Variants in CDC123 observed in about 807,000 individuals in gnomAD.
CDC123 encodes the protein translation initiation factor eIF2 assembly protein.
A neutral mutation model predicts 54.4 loss-of-function variants in CDC123; 37 were observed. The observed-to-expected ratio is 0.68, with a 90% CI of 0.52 to 0.89. The LOEUF (loss-of-function observed/expected upper bound fraction) is 0.89. CDC123 is among the 40% of genes least tolerant of loss of function. The probability of loss-of-function intolerance (pLI) is 0.00; values close to 1 mark genes in which losing one functional copy is unlikely to be tolerated. For synonymous variants in CDC123, 144 were observed against 136.8 expected, an observed-to-expected ratio of 1.05 and a Z score of -0.37; for missense variants, 361 against 412.1, an observed-to-expected ratio of 0.88 and a Z score of 1.07.
chr10:12,200,349 C>G (rs2131729574), intron 2 of CDC123, among the ~76,000 whole-genome samples: 1 of 151,448 alleles, frequency 6.6e-6, no homozygotes, highest in Non-Finnish European at 1.5e-5. Flanking sequence ...CTGTCTTGAA[C>G]TCCTGACCTC....
chr10:12,229,212 T>C (rs977130149), intron 6 of CDC123, among the ~76,000 whole-genome samples: 1 of 152,238 alleles, frequency 6.6e-6, no homozygotes, highest in Admixed American at 6.5e-5. Flanking sequence ...CATAGTGATA[T>C]AGATGCGTTT....
At chr10:12,232,055 C>A (rs965149403) in intron 7 of CDC123, among the ~76,000 whole-genome samples, 1 of 152,080 alleles carries the variant, frequency 6.6e-6, no homozygotes, top group Non-Finnish European at 1.5e-5. Flanking sequence ...CCATGTTGGC[C>A]AGGCTGGTCT....
chr10:12,236,409 C>T (rs574965040), intron 8 of CDC123, among the ~76,000 whole-genome samples: 4 of 151,824 alleles, frequency 2.6e-5, no homozygotes, highest in East Asian at 1.9e-4. Context: ...GACCAGCCTG[C>T]GCAATGTACT....
At chr10:12,207,414 G>C (rs10906098) in intron 2 of CDC123, among the ~76,000 whole-genome samples, 13,894 of 151,888 alleles carry the variant, frequency 0.091, 769 homozygotes, top group Non-Finnish European at 0.12. Flanking sequence ...CTTTCATCTG[G>C]TCCCTTTATT....
intron 11 of CDC123, among the ~76,000 whole-genome samples, chr10:12,248,954 T>C (rs1836197324): frequency 6.6e-6 from 1 of 151,500 alleles, no homozygotes. Context: ...CTACTAAAAA[T>C]ACAAAAATTA....
At position 12,230,990 on chromosome 10, in the gene CDC123, A is replaced by G. The variant is rs146020960; in HGVS notation, c.483A>G (p.Glu161=). 1,197 of 1,609,246 alleles carry G rather than the reference A, an allele frequency of 7.4e-4. 2 individuals are homozygous for G. The highest frequency in any genetic ancestry group is 1.4e-3 in the Admixed American group (85 of 59,314). The change falls in exon 7 of 13, where the codon GAA becomes GAG. Residue 161 remains glutamate, a synonymous_variant. Coordinates refer to ENST00000281141, the MANE Select transcript of CDC123 (RefSeq NM_006023.3). ...ATGATTCTCCAGATCCATGTATAGA[A>G]TATGAGGTAAGAAGCTTATTTTCTT... ...CTDDSPDPCI[E]YELVLRKWCE... is the part of the protein sequence containing the mutation.
intron 4 of CDC123, 122 bp downstream of exon 4, chr10:12,210,444 C>A (rs1835582339): frequency 8.4e-7 from 1 of 1,183,810 alleles, no homozygotes; most frequent in East Asian, 2.6e-5. Flanking sequence ...ATATTATTTT[C>A]CCTGTGGGCT....
chr10:12,237,269 G>A lies in CDC123; in HGVS notation c.688+3G>A. 1 of 1,533,710 alleles carries A rather than the reference G, an allele frequency of 6.5e-7. No individual in the cohort carries two copies. Among genetic ancestry groups the A allele is most frequent in the Non-Finnish European group, 8.7e-7 (1 of 1,147,728 alleles). Reference sequence around the variant, plus strand: ...GTACAAATTCTTAGATGAAGACTGTGAGTATTTTTTTATTGATCCAGTAAA... The same window carrying A: ...GTACAAATTCTTAGATGAAGACTGTAAGTATTTTTTTATTGATCCAGTAAA... On this transcript the variant is annotated splice_donor_region_variant and intron_variant, in intron 9 of 12. Coordinates refer to ENST00000281141, the MANE Select transcript of CDC123 (RefSeq NM_006023.3).
chr10:12,222,725 G>A (rs1435954881), intron 6 of CDC123, among the ~76,000 whole-genome samples: 1 of 152,126 alleles, frequency 6.6e-6, no homozygotes, highest in Non-Finnish European at 1.5e-5. Context: ...TTGACTGCAG[G>A]TCAGGGAATT....
At chr10:12,209,325 C>G (rs1835564886) in intron 2 of CDC123, among the ~76,000 whole-genome samples, 1 of 152,158 alleles carries the variant, frequency 6.6e-6, no homozygotes, top group African/African-American at 2.4e-5. Context: ...TAGCCTCAAA[C>G]TCTTGGGCTC....
Position 12,226,586 on chromosome 10 carries a change from G to A in CDC123, c.441-4362G>A, listed in dbSNP as rs553460733. Among the ~76,000 whole-genome samples, 6 of 150,658 alleles carry A rather than the reference G, an allele frequency of 4.0e-5. No homozygotes were observed. The East Asian group carries it at 5.9e-4, about 15-fold the overall frequency. ...CTCCTCAGTTCCCAGACAGCGTCGC[G>A]GCTGGGCAGAGGCGCTCCTCACATC... On this transcript the variant is annotated intron_variant, in intron 6 of 12. Coordinates refer to ENST00000281141, the MANE Select transcript of CDC123 (RefSeq NM_006023.3).
chr10:12,246,073 A>G (rs1836130934), intron 10 of CDC123, 76 bp from the exon 11 acceptor site: 5 of 1,506,500 alleles, frequency 3.3e-6, no homozygotes, highest in Non-Finnish European at 4.5e-6. Flanking sequence ...CTGTCTCAGA[A>G]TAAAAAAGTG....
At chr10:12,236,263 T>G (rs778128672) in intron 8 of CDC123, among the ~76,000 whole-genome samples, 5 of 152,166 alleles carry the variant, frequency 3.3e-5, no homozygotes, top group African/African-American at 7.2e-5. Flanking sequence ...TAACAAGACT[T>G]TTTGTGACTT....
At chr10:12,240,656 T>G (rs2131765100) in intron 10 of CDC123, among the ~76,000 whole-genome samples, 1 of 152,318 alleles carries the variant, frequency 6.6e-6, no homozygotes, top group Middle Eastern at 3.4e-3. Flanking sequence ...GGAGGATGGC[T>G]TGAGCCCAGG....
At chr10:12,197,780 T>C in intron 1 of CDC123, among the ~76,000 whole-genome samples, 1 of 152,150 alleles carries the variant, frequency 6.6e-6, no homozygotes, top group African/African-American at 2.4e-5. Context: ...GCAGTGGCAG[T>C]GATCTTTTAT....
At chr10:12,198,821 A>T (rs1835399141) in intron 2 of CDC123, 45 bp downstream of exon 2, 1 of 1,028,846 alleles carries the variant, frequency 9.7e-7, no homozygotes, top group Admixed American at 2.0e-5. Context: ...ATCATAAAGA[A>T]ACACATAAAA....
intron 7 of CDC123, among the ~76,000 whole-genome samples, chr10:12,232,237 C>T (rs770921884): frequency 6.6e-5 from 10 of 152,022 alleles, no homozygotes; most frequent in Admixed American, 2.0e-4. Context: ...GAAACTTTGA[C>T]GGCTCATAGT....
At chr10:12,208,621 T>C (rs7895525) in intron 2 of CDC123, among the ~76,000 whole-genome samples, 51,677 of 152,040 alleles carry the variant, frequency 0.34, 10,002 homozygotes, top group East Asian at 0.61. Flanking sequence ...GCGCTGATAA[T>C]GCCAAGGTTG....
chr10:12,196,931 G>C (rs982159181), intron 1 of CDC123, among the ~76,000 whole-genome samples: 3 of 152,102 alleles, frequency 2.0e-5, no homozygotes, highest in African/African-American at 7.2e-5. Flanking sequence ...TCATCTCTCA[G>C]TTTTTTTAAA....
Sources: allele counts gnomAD v4.1 joint callset (sites outside exome capture counted in the v4.1 genomes callset), GRCh38; gene constraint gnomAD v4.1.1; transcripts MANE v1.5; gene names NCBI Gene and HGNC (gene_info 2026-07-23, HGNC 2026-07-21).